SLC26A9: variants seen among roughly 807,000 people sequenced by gnomAD.
SLC26A9 encodes the protein anion transporter/exchanger protein 9.
In SLC26A9, 46 loss-of-function variants were observed where a neutral mutation model predicts 87.1. The observed-to-expected ratio is 0.53, with a 90% confidence interval of 0.42 to 0.67. The LOEUF is 0.67. Among genes scored for constraint, SLC26A9 ranks in the 30% least tolerant of loss-of-function variants. The probability of loss-of-function intolerance (pLI) is 0.00; values close to 1 mark genes in which losing one functional copy is unlikely to be tolerated. For missense variants in SLC26A9, 927 were observed against 1,018.3 expected (o/e 0.91, Z 1.22); for synonymous variants, 437 against 409.1 (o/e 1.07, Z -0.82).
intron 19 of SLC26A9, among the ~76,000 whole-genome samples, chr1:205,918,255 G>A (rs1395301121): frequency 6.6e-6 from 1 of 152,154 alleles, no homozygotes; most frequent in Non-Finnish European, 1.5e-5. Flanking sequence ...ACCCCAAGGA[G>A]GTAGGCTTTT....
chr1:205,927,713 C>T lies in SLC26A9; in HGVS notation c.1102-108G>A, dbSNP rs948710373. 10 of 1,374,744 alleles carry T rather than the reference C, an allele frequency of 7.3e-6. No individual in the cohort carries two copies. In the African/African-American group the frequency reaches 1.0e-4, roughly 14 times the overall value. 85.2% of individuals were successfully genotyped at this position (1,374,744 alleles called of 1,614,324 possible). A position where few individuals can be genotyped will look rare whatever the true frequency, so the allele number is the denominator to read the frequency against. On this transcript the variant is annotated intron_variant, in intron 9 of 20. Transcript: ENST00000367135. ...TGTGGGCCTAAGACCTGAGAGTGAC[C>T]CAGTGGCTATAAAGTCACACATTCC... is the stretch of plus-strand genomic sequence containing the variant.
chr1:205,935,877 C>A (rs977648776), intron 1 of SLC26A9, 39 bp from the exon 2 acceptor site: 1 of 1,579,936 alleles, frequency 6.3e-7, no homozygotes, highest in Non-Finnish European at 8.6e-7. Context: ...GAGGGAACAT[C>A]CCTCCCTAGT....
rs777883619 is a variant in SLC26A9, at chr1:205,933,097, G to A, written c.126-13C>T. The A allele has an allele frequency of 7.4e-6, 12 of 1,614,148 alleles. No homozygotes were observed. The highest frequency in any genetic ancestry group is 5.0e-5 in the Admixed American group (3 of 60,032). On this transcript the variant is annotated splice_polypyrimidine_tract_variant and intron_variant, in intron 2 of 20. Transcript: ENST00000367135. ...GGCTGAGGAACATCTGGAAGGGAAC[G>A]GGGAAAATTTCCAGTCGGCTCTGCA...
chr1:205,940,103 G>T (rs141884973), intron 1 of SLC26A9, among the ~76,000 whole-genome samples: 1 of 152,198 alleles, frequency 6.6e-6, no homozygotes, highest in Admixed American at 6.5e-5. Flanking sequence ...GGAGTAGGGG[G>T]TGAGCCAGGA....
At chr1:205,934,747 A>G (rs1659441309) in intron 2 of SLC26A9, among the ~76,000 whole-genome samples, 2 of 152,198 alleles carry the variant, frequency 1.3e-5, no homozygotes, top group Non-Finnish European at 1.5e-5. Context: ...TTTGTGCCCT[A>G]AAGTCTTGGG....
rs756190516 is a variant in SLC26A9 at position 205,929,970 on chromosome 1, C to T, written c.639G>A (p.Leu213=). The stretch of plus-strand genomic sequence containing the variant: ...ACTTGAGCACCGAAATCAGGATCTG[C>T]AGGCCGGCGGCCGTCATGAAGCCCC... ...FIRGFMTAAG[L]QILISVLKYI... is the part of the protein sequence containing the mutation. Residue 213 remains leucine (L), a synonymous_variant, in exon 6 of 21, where the codon CTG becomes CTA. Transcript: ENST00000367135. The T allele has an allele frequency of 1.2e-6, 2 of 1,613,958 alleles. No homozygotes were observed. Among genetic ancestry groups the T allele is most frequent in the South Asian group, 2.2e-5 (2 of 91,058 alleles).
chr1:205,934,461 A>C (rs574121978), intron 2 of SLC26A9, among the ~76,000 whole-genome samples: 1 of 152,220 alleles, frequency 6.6e-6, no homozygotes, highest in Non-Finnish European at 1.5e-5. Flanking sequence ...GGGCTAGTCC[A>C]TGCCCAACCT....
intron 1 of SLC26A9, among the ~76,000 whole-genome samples, chr1:205,938,196 C>T (rs183678358): frequency 6.6e-6 from 1 of 152,022 alleles, no homozygotes; most frequent in East Asian, 1.9e-4. Context: ...TGTCCTCTCC[C>T]TACCCCTCAG....
intron 1 of SLC26A9, among the ~76,000 whole-genome samples, chr1:205,940,526 G>A (rs1269950887): frequency 6.6e-6 from 1 of 152,180 alleles, no homozygotes; most frequent in Non-Finnish European, 1.5e-5. Flanking sequence ...CATCATTACT[G>A]CTATGACTCC....
intron 11 of SLC26A9, 147 bp downstream of exon 11, chr1:205,927,064 A>G (rs1006486690): frequency 3.8e-6 from 3 of 799,694 alleles, no homozygotes; most frequent in Admixed American, 4.5e-5. Context: ...GGGGAGGATA[A>G]AACCTGCATT....
chr1:205,917,225 C>A, intron 20 of SLC26A9, 58 bp downstream of exon 20: 1 of 1,579,472 alleles, frequency 6.3e-7, no homozygotes, highest in African/African-American at 1.3e-5. Flanking sequence ...TTGACAGCGA[C>A]CCCATCCTTC....
chr1:205,918,499 G>C (rs1052816561), intron 19 of SLC26A9, among the ~76,000 whole-genome samples: 1 of 152,172 alleles, frequency 6.6e-6, no homozygotes, highest in Non-Finnish European at 1.5e-5. Flanking sequence ...GGCAGGGAAC[G>C]ATGCCAGCAG....
In SLC26A9 at chr1:205,923,744, T is replaced by A. The variant is rs1007285825; in HGVS notation, c.1497-131A>T. 38 of 948,098 alleles carry A rather than the reference T, an allele frequency of 4.0e-5. No homozygotes were observed. The African/African-American group carries it at 5.7e-4, about 14-fold the overall frequency. 58.7% of individuals were successfully genotyped at this position (948,098 alleles called of 1,614,324 possible). On this transcript the variant is annotated intron_variant, in intron 13 of 20. Coordinates refer to ENST00000367135, the MANE Select transcript of SLC26A9 (RefSeq NM_052934.4). Reference sequence around the variant, plus strand: ...TGTCCTCACCCCCAGACTTGCTGTGTCTGTCTTTTTGCACTGGAGACACAT... The same window carrying A: ...TGTCCTCACCCCCAGACTTGCTGTGACTGTCTTTTTGCACTGGAGACACAT...
chr1:205,928,424 C>A, intron 8 of SLC26A9: 1 of 379,188 alleles, frequency 2.6e-6, no homozygotes. Context: ...AAGCGTCACC[C>A]CTCTCCTCCC....
At chr1:205,933,359 C>A (rs1275072164) in intron 2 of SLC26A9, among the ~76,000 whole-genome samples, 1 of 152,144 alleles carries the variant, frequency 6.6e-6, no homozygotes, top group Non-Finnish European at 1.5e-5. Flanking sequence ...GGTGGCTCAG[C>A]CTTCGGAGGT....
Position 205,933,104 on chromosome 1 carries a change from A to T in SLC26A9, c.126-20T>A, listed in dbSNP as rs1558128010. On this transcript the variant is annotated intron_variant, in intron 2 of 20. Coordinates refer to ENST00000367135, the MANE Select transcript of SLC26A9 (RefSeq NM_052934.4). ...GAACATCTGGAAGGGAACGGGGAAA[A>T]TTTCCAGTCGGCTCTGCATGGCTTG... is the stretch of plus-strand genomic sequence containing the variant. 2 of 1,614,070 alleles carry T rather than the reference A, an allele frequency of 1.2e-6. No homozygotes were observed. Among genetic ancestry groups the T allele is most frequent in the South Asian group, 1.1e-5 (1 of 91,068 alleles).
chr1:205,923,643 G>A, intron 13 of SLC26A9, 30 bp from the exon 14 acceptor site: 2 of 1,613,864 alleles, frequency 1.2e-6, no homozygotes, highest in African/African-American at 2.7e-5. Flanking sequence ...AAAAACATAA[G>A]AGAATGCTAA....
chr1:205,942,413 GA>G (rs1430729154), intron 1 of SLC26A9, among the ~76,000 whole-genome samples: 1 of 152,200 alleles, frequency 6.6e-6, no homozygotes, highest in Non-Finnish European at 1.5e-5. Flanking sequence ...CACTCAGGGG[GA>G]AAGCCCTCTC....
intron 17 of SLC26A9, among the ~76,000 whole-genome samples, chr1:205,920,901 C>T (rs1658798732): frequency 6.6e-6 from 1 of 152,202 alleles, no homozygotes; most frequent in Admixed American, 6.5e-5. Context: ...TCAGCCAAGG[C>T]TGGCCTGGAC....
Sources: allele counts gnomAD v4.1 joint callset (sites outside exome capture counted in the v4.1 genomes callset), GRCh38; gene constraint gnomAD v4.1.1; transcripts MANE v1.5; gene names NCBI Gene and HGNC (gene_info 2026-07-23, HGNC 2026-07-21).